The following SLC25A20 variants were observed in gnomAD, a reference collection of about 807,000 sequenced individuals.
SLC25A20 encodes the protein solute carrier family 25 member 20, also known as mitochondrial carnitine/acylcarnitine carrier protein.
SLC25A20 carries 29 observed loss-of-function variants against 39.7 expected under a neutral mutation model. That is an observed-to-expected ratio of 0.73 (90% CI 0.54 to 1.00). The LOEUF (loss-of-function observed/expected upper bound fraction) is 1.00, where lower values mean the gene tolerates loss of function less well. Ranked by LOEUF, SLC25A20 falls within the 50% of genes least tolerant of loss-of-function variation. The pLI is 0.00. For missense variants in SLC25A20, 333 were observed against 379.9 expected (o/e 0.88, Z 1.03); for synonymous variants, 103 against 142.2 (o/e 0.72, Z 1.96).
intron 1 of SLC25A20, among the ~76,000 whole-genome samples, chr3:48,895,982 A>T (rs1416050399): frequency 6.6e-6 from 1 of 151,872 alleles, no homozygotes. Flanking sequence ...TCTACTAAAA[A>T]TACAAAAATT....
At chr3:48,892,792 A>T (rs1559672564) in intron 1 of SLC25A20, among the ~76,000 whole-genome samples, 2 of 152,176 alleles carry the variant, frequency 1.3e-5, no homozygotes, top group South Asian at 4.1e-4. Flanking sequence ...CACTCAGAAT[A>T]ATGTGTGACC....
chr3:48,871,187 A>C (rs2083712102), intron 4 of SLC25A20, among the ~76,000 whole-genome samples: 2 of 152,070 alleles, frequency 1.3e-5, no homozygotes, highest in Non-Finnish European at 2.9e-5. Flanking sequence ...GAGGATTCAA[A>C]ATAATAAAGG....
At chr3:48,876,377 C>T (rs1380973483) in intron 4 of SLC25A20, among the ~76,000 whole-genome samples, 1 of 149,872 alleles carries the variant, frequency 6.7e-6, no homozygotes, top group African/African-American at 2.4e-5. Context: ...AAAGACTTTA[C>T]ATACTGTACA....
chr3:48,877,030 A>C (rs1449968777), intron 4 of SLC25A20, among the ~76,000 whole-genome samples: 1 of 152,106 alleles, frequency 6.6e-6, no homozygotes, highest in Non-Finnish European at 1.5e-5. Context: ...CAGGAGGCAG[A>C]GGTTGCAGTG....
At chr3:48,867,084 C>T (rs1452780160) in intron 4 of SLC25A20, among the ~76,000 whole-genome samples, 7 of 151,788 alleles carry the variant, frequency 4.6e-5, no homozygotes, top group African/African-American at 1.7e-4. Flanking sequence ...TGTGAGCCAC[C>T]GCGCCTGGCC....
At chr3:48,891,853 G>A (rs1437316129) in intron 2 of SLC25A20, 127 bp downstream of exon 2, 3 of 804,900 alleles carry the variant, frequency 3.7e-6, no homozygotes, top group Non-Finnish European at 6.7e-6. Flanking sequence ...GTGGCGTGGT[G>A]AAGGAGCGGC....
chr3:48,861,380 TC>T (rs1188607284), intron 5 of SLC25A20, among the ~76,000 whole-genome samples: 14 of 152,190 alleles, frequency 9.2e-5, no homozygotes, highest in African/African-American at 3.4e-4. Flanking sequence ...GGGATGCTGC[TC>T]TGGGCCAAGC....
intron 4 of SLC25A20, among the ~76,000 whole-genome samples, chr3:48,878,422 A>C (rs2083778126): frequency 6.6e-6 from 1 of 151,462 alleles, no homozygotes; most frequent in African/African-American, 2.4e-5. Context: ...CAGCCTCAAC[A>C]ATCCAGGCTC....
At chr3:48,865,767 TCAAACAAA>T (rs2083662965) in intron 4 of SLC25A20, among the ~76,000 whole-genome samples, 1 of 137,120 alleles carries the variant, frequency 7.3e-6, no homozygotes, top group South Asian at 2.3e-4. Flanking sequence ...AGACTCTGTC[TCAAACAAA>T]AAAAAAAAAA....
intron 4 of SLC25A20, among the ~76,000 whole-genome samples, chr3:48,875,844 C>G (rs1310670276): frequency 1.3e-5 from 2 of 151,940 alleles, no homozygotes; most frequent in Non-Finnish European, 2.9e-5. Context: ...GTGGTAAAAC[C>G]CCATCTCTAA....
intron 4 of SLC25A20, among the ~76,000 whole-genome samples, chr3:48,863,730 G>C (rs2083643645): frequency 6.6e-6 from 1 of 152,116 alleles, no homozygotes; most frequent in African/African-American, 2.4e-5. Context: ...AAAAATAATA[G>C]AAAAGGCCGG....
chr3:48,888,768 A>C (rs2106662696), intron 2 of SLC25A20, among the ~76,000 whole-genome samples: 1 of 151,982 alleles, frequency 6.6e-6, no homozygotes, highest in Non-Finnish European at 1.5e-5. Flanking sequence ...AAATTTAGAG[A>C]CTATAATAGA....
chr3:48,888,241 C>G (rs1227583558), intron 2 of SLC25A20, among the ~76,000 whole-genome samples: 2 of 149,032 alleles, frequency 1.3e-5, no homozygotes. Flanking sequence ...AAGGGTAGCA[C>G]CACCTCACTC....
At position 48,879,467 on chromosome 3, in the gene SLC25A20, GC is replaced by G; in HGVS notation, c.327-20del. On this transcript the variant is annotated intron_variant, in intron 3 of 8. Coordinates refer to ENST00000319017, the MANE Select transcript of SLC25A20 (RefSeq NM_000387.6). Reference sequence around the variant, plus strand: ...GGGATAGCTGCATTGAAAACAAAAAGCAGAAGCAAGCACCTGTGACTAACCA... The same window carrying G: ...GGGATAGCTGCATTGAAAACAAAAAGAGAAGCAAGCACCTGTGACTAACCA... The G allele has an allele frequency of 6.4e-7, 1 of 1,567,898 alleles. No homozygotes were observed. The highest frequency in any genetic ancestry group is 8.8e-7 in the Non-Finnish European group (1 of 1,137,980).
chr3:48,894,999 A>T (rs2083901543), intron 1 of SLC25A20, among the ~76,000 whole-genome samples: 1 of 139,492 alleles, frequency 7.2e-6, no homozygotes, highest in Non-Finnish European at 1.5e-5. Flanking sequence ...GCATTTGTAT[A>T]TTTATTTTTA....
intron 8 of SLC25A20, 37 bp from the exon 9 acceptor site, chr3:48,857,809 G>A: frequency 3.2e-6 from 5 of 1,587,052 alleles, no homozygotes; most frequent in Non-Finnish European, 4.3e-6. Context: ...AAGCCAGCAG[G>A]AATAACTATT....
At chr3:48,873,749 GT>G (rs2083734938) in intron 4 of SLC25A20, among the ~76,000 whole-genome samples, 1 of 151,716 alleles carries the variant, frequency 6.6e-6, no homozygotes, top group African/African-American at 2.4e-5. Flanking sequence ...GGAGGCGGAG[GT>G]GGGCGGATCA....
At chr3:48,865,651 C>A (rs1166717063) in intron 4 of SLC25A20, among the ~76,000 whole-genome samples, 3 of 149,812 alleles carry the variant, frequency 2.0e-5, no homozygotes, top group African/African-American at 7.4e-5. Context: ...TGCCTGTAGT[C>A]CCAGCTACTT....
chr3:48,860,059 T>A (rs1364403794), intron 5 of SLC25A20, among the ~76,000 whole-genome samples: 1 of 152,166 alleles, frequency 6.6e-6, no homozygotes. Flanking sequence ...TCCCAGCACT[T>A]CGGGAGGCCG....
Sources: gnomAD v4.1 joint callset for allele counts (sites outside exome capture counted in the v4.1 genomes callset) on GRCh38, gnomAD v4.1.1 for gene constraint, MANE v1.5 for transcripts, NCBI Gene and HGNC (gene_info 2026-07-23, HGNC 2026-07-21) for gene names.